The following JMJD1C variants were observed in gnomAD, a reference collection of about 807,000 sequenced individuals.
JMJD1C encodes jumonji domain containing 1C.
JMJD1C carries 31 observed loss-of-function variants against 245.3 expected under a neutral mutation model. That is an observed-to-expected ratio of 0.13 (90% CI 0.09 to 0.17). The LOEUF (loss-of-function observed/expected upper bound fraction) is 0.17. Ranked by LOEUF, JMJD1C falls within the 10% of genes least tolerant of loss-of-function variation. The pLI is 1.00. For synonymous variants in JMJD1C, 1,057 were observed against 1,017.4 expected (o/e 1.04, Z -0.74); for missense variants, 2,691 against 3,000.2 (o/e 0.90, Z 2.41).
chr10:63,208,102 C>T lies in JMJD1C; in HGVS notation c.3567G>A (p.Leu1189=), dbSNP rs1316663409. The change falls in exon 10 of 26, where the codon TTG becomes TTA. Residue 1189 remains leucine (L), a synonymous_variant. Transcript: ENST00000399262. ...GGAGTGTATTTGTAGAAGAAACTGT[C>T]AAATGGGTAGGACTCCTACAATCAT... is the stretch of plus-strand genomic sequence containing the variant. The part of the protein sequence containing the change: ...FRNDCRSPTH[L]TVSSTNTLRS... 1.9e-6 allele frequency: 3 copies of T among 1,614,096 alleles called. No individual in the cohort carries two copies. Among genetic ancestry groups the T allele is most frequent in the Non-Finnish European group, 2.5e-6 (3 of 1,179,992 alleles).
At chr10:63,440,430 G>A (rs914226272) in intron 1 of JMJD1C, among the ~76,000 whole-genome samples, 2 of 150,710 alleles carry the variant, frequency 1.3e-5, no homozygotes, top group Admixed American at 6.6e-5. Context: ...GATTAAGGAA[G>A]TATTACTCAA....
chr10:63,234,253 T>C (rs1423975750), intron 3 of JMJD1C, among the ~76,000 whole-genome samples: 3 of 152,010 alleles, frequency 2.0e-5, no homozygotes, highest in Non-Finnish European at 4.4e-5. Context: ...CACAGCACTT[T>C]GGGAGGCTGA....
At position 63,208,020 on chromosome 10, in the gene JMJD1C, G is replaced by A. The variant is rs2133156670; in HGVS notation, c.3649C>T (p.Leu1217=). 3.7e-6 allele frequency: 6 copies of A among 1,614,172 alleles called. No individual in the cohort carries two copies. Among genetic ancestry groups the A allele is most frequent in the Non-Finnish European group, 4.2e-6 (5 of 1,180,012 alleles). ...PVFHPPIHHS[L]ERKEGSYSSL... ...CTATAGCTGCCTTCCTTTCTTTCCA[G>A]GCTGTGATGGATTGGTGGGTGAAAT... Residue 1217 remains leucine (L), a synonymous_variant, in exon 10 of 26, where the codon CTG becomes TTG. Coordinates refer to ENST00000399262, the MANE Select transcript of JMJD1C (RefSeq NM_032776.3).
chr10:63,378,829 G>T (rs938096159), intron 2 of JMJD1C, among the ~76,000 whole-genome samples: 3 of 151,880 alleles, frequency 2.0e-5, no homozygotes, highest in African/African-American at 7.3e-5. Context: ...GTTTAAAATG[G>T]TTTAAACTTT....
chr10:63,503,137 G>A (rs1429761392), intron 1 of JMJD1C, among the ~76,000 whole-genome samples: 1 of 152,178 alleles, frequency 6.6e-6, no homozygotes, highest in Non-Finnish European at 1.5e-5. Context: ...AATATGCTTA[G>A]GCCTTTAATG....
At chr10:63,352,278 T>C (rs769942563) in intron 2 of JMJD1C, among the ~76,000 whole-genome samples, 16 of 152,082 alleles carry the variant, frequency 1.1e-4, no homozygotes, top group Non-Finnish European at 1.9e-4. Flanking sequence ...AAAAGACTAA[T>C]AGACATATTT....
chr10:63,394,296 A>G (rs1414579673), intron 1 of JMJD1C, among the ~76,000 whole-genome samples: 4 of 152,152 alleles, frequency 2.6e-5, no homozygotes, highest in African/African-American at 9.7e-5. Flanking sequence ...AGAACTGACA[A>G]TTGAATTTTT....
At chr10:63,298,553 C>T (rs574293417) in intron 2 of JMJD1C, among the ~76,000 whole-genome samples, 29 of 152,280 alleles carry the variant, frequency 1.9e-4, no homozygotes, top group South Asian at 1.0e-3. Context: ...GCAACTCTAA[C>T]GACCTCATCT....
chr10:63,223,560 G>A lies in JMJD1C; in HGVS notation c.448-3577C>T, dbSNP rs141167920. Among the ~76,000 whole-genome samples, 498 of 152,104 alleles carry A rather than the reference G, an allele frequency of 3.3e-3. 3 individuals are homozygous for A. The highest frequency in any genetic ancestry group is 0.011 in the African/African-American group (474 of 41,492). ...GTTTTAAAGAAGCATTGCCAACACC[G>A]TGCAGACAAGTACACCTTATAAAAC... On this transcript the variant is annotated intron_variant, in intron 3 of 25. Transcript: ENST00000399262.
At chr10:63,285,180 C>A (rs1857846475) in intron 2 of JMJD1C, among the ~76,000 whole-genome samples, 1 of 152,150 alleles carries the variant, frequency 6.6e-6, no homozygotes. Context: ...CCCCAAACTG[C>A]AAGTCATGTA....
rs1277042016 is a variant in JMJD1C, at chr10:63,324,189, AC to A, written c.333+56128del. On this transcript the variant is annotated intron_variant, in intron 2 of 25. Coordinates refer to ENST00000399262, the MANE Select transcript of JMJD1C (RefSeq NM_032776.3). ...CAGACACAGTCAGAAATAATATCTT[AC>A]CAGGATCTGGGTATCCTGTGGCCCA... Among the ~76,000 whole-genome samples, 12 of 151,932 alleles carry A rather than the reference AC, an allele frequency of 7.9e-5. No homozygotes were observed. In the East Asian group the frequency reaches 2.3e-3, roughly 29 times the overall value.
At chr10:63,304,045 T>C (rs889062285) in intron 2 of JMJD1C, among the ~76,000 whole-genome samples, 1 of 150,498 alleles carries the variant, frequency 6.6e-6, no homozygotes, top group African/African-American at 2.4e-5. Context: ...CTACCTTGAA[T>C]TACAGTATTA....
At chr10:63,397,355 A>G (rs1948572438) in intron 1 of JMJD1C, among the ~76,000 whole-genome samples, 1 of 152,094 alleles carries the variant, frequency 6.6e-6, no homozygotes, top group African/African-American at 2.4e-5. Flanking sequence ...CTGGGATTAC[A>G]GGCATGTGCC....
chr10:63,278,069 A>C (rs1320044131), intron 2 of JMJD1C, among the ~76,000 whole-genome samples: 2 of 152,124 alleles, frequency 1.3e-5, no homozygotes, highest in Non-Finnish European at 1.5e-5. Flanking sequence ...TAGGTTAATA[A>C]GATTTGAAAC....
chr10:63,488,606 C>G (rs1195551860), intron 1 of JMJD1C, among the ~76,000 whole-genome samples: 4 of 151,378 alleles, frequency 2.6e-5, no homozygotes, highest in African/African-American at 9.7e-5. Context: ...GGGACATGCT[C>G]TCAGCACTCA....
chr10:63,486,162 A>AC (rs1564964515), intron 1 of JMJD1C, among the ~76,000 whole-genome samples: 2 of 61,670 alleles, frequency 3.2e-5, no homozygotes, highest in Admixed American at 2.0e-4. Context: ...AAAAAAAAAA[A>AC]AAAAAACAAA....
At chr10:63,385,137 G>A (rs1947487671) in intron 1 of JMJD1C, among the ~76,000 whole-genome samples, 1 of 152,116 alleles carries the variant, frequency 6.6e-6, no homozygotes, top group Admixed American at 6.5e-5. Context: ...CTGGTTAGTG[G>A]AGCAGTCAGA....
chr10:63,454,734 T>C (rs1952299115), intron 1 of JMJD1C, among the ~76,000 whole-genome samples: 1 of 152,334 alleles, frequency 6.6e-6, no homozygotes, highest in Middle Eastern at 3.4e-3. Context: ...CCTAGCCTGA[T>C]TTTTCATTTT....
intron 1 of JMJD1C, among the ~76,000 whole-genome samples, chr10:63,472,357 C>CA (rs1953515956): frequency 6.6e-6 from 1 of 151,918 alleles, no homozygotes; most frequent in African/African-American, 2.4e-5. Context: ...TTTTTTGAGT[C>CA]AGAGTCTCCC....
Sources: allele counts gnomAD v4.1 joint callset (sites outside exome capture counted in the v4.1 genomes callset), GRCh38; gene constraint gnomAD v4.1.1; transcripts MANE v1.5; gene names NCBI Gene and HGNC (gene_info 2026-07-23, HGNC 2026-07-21).